Variants in TTYH2 observed in about 807,000 individuals in gnomAD.
TTYH2 encodes the protein protein tweety homolog 2.
TTYH2 carries 49 observed loss-of-function variants against 68.3 expected under a neutral mutation model. The ratio of observed to expected loss-of-function variants is 0.72; its 90% CI spans 0.57 to 0.91. The LOEUF (loss-of-function observed/expected upper bound fraction) is 0.91, where lower values mean the gene tolerates loss of function less well. TTYH2 is among the 40% of genes least tolerant of loss of function. The probability of loss-of-function intolerance (pLI) is 0.00; values close to 1 mark genes in which losing one functional copy is unlikely to be tolerated. For synonymous variants in TTYH2, 272 were observed against 300.8 expected (o/e 0.90, Z 0.99); for missense variants, 631 against 700.4 (o/e 0.90, Z 1.12).
rs763218558 is a variant in TTYH2 at position 74,215,015 on chromosome 17, G to C, written c.129+1299G>C. On this transcript the variant is annotated intron_variant, in intron 1 of 13. Transcript: ENST00000269346. The surrounding 1 kb of genome is among the most constrained non-coding windows in gnomAD (Gnocchi z 4.3). Reference sequence around the variant, plus strand: ...CCTGGGGTTCAGTGGGCACTCAGGAGCAAGACGGCAGTCGGTGGACCCACC... The same window carrying C: ...CCTGGGGTTCAGTGGGCACTCAGGACCAAGACGGCAGTCGGTGGACCCACC... 7.2e-4 allele frequency among the ~76,000 whole-genome samples: 109 copies of C among 152,264 alleles called. No individual in the cohort carries two copies. The highest frequency in any genetic ancestry group is 1.1e-3 in the Non-Finnish European group (75 of 68,006).
intron 3 of TTYH2, 46 bp downstream of exon 3, chr17:74,231,045 G>T: frequency 6.4e-7 from 1 of 1,570,088 alleles, no homozygotes. Context: ...AGCCCACAAG[G>T]TCAGCGTGGT....
intron 13 of TTYH2, among the ~76,000 whole-genome samples, chr17:74,256,569 C>T (rs2050695568): frequency 6.6e-6 from 1 of 152,194 alleles, no homozygotes; most frequent in Non-Finnish European, 1.5e-5. Context: ...AACACAAGCC[C>T]CAGCCTCATG....
rs2050735798 is a variant in TTYH2, at chr17:74,260,237, T to C, written c.*28T>C. On this transcript the variant is annotated 3_prime_UTR_variant, in exon 14 of 14. Transcript: ENST00000269346. ...GACTTTCGGGGGTTCCTGCCTCCTTTTTCCGTTCTGGTTTTTAATTAGTGC... is the reference window on the plus strand; with the variant it reads ...GACTTTCGGGGGTTCCTGCCTCCTTCTTCCGTTCTGGTTTTTAATTAGTGC... 1.2e-6 allele frequency: 2 copies of C among 1,608,768 alleles called. No homozygotes were observed. The highest frequency in any genetic ancestry group is 2.2e-5 in the East Asian group (1 of 44,842).
At chr17:74,247,989 G>C (rs996364099) in intron 6 of TTYH2, 1 of 152,196 alleles carries the variant, frequency 6.6e-6, no homozygotes, top group Non-Finnish European at 1.5e-5. Flanking sequence ...TAACCTCTAG[G>C]TGCTAGAACC....
Position 74,232,833 on chromosome 17 carries a change from A to T in TTYH2, c.414+1834A>T, listed in dbSNP as rs574731821. 1.3e-5 allele frequency among the ~76,000 whole-genome samples: 2 copies of T among 152,152 alleles called. No homozygotes were observed. The highest frequency in any genetic ancestry group is 1.3e-4 in the Admixed American group (2 of 15,284). On this transcript the variant is annotated intron_variant, in intron 3 of 13. Coordinates refer to ENST00000269346, the MANE Select transcript of TTYH2 (RefSeq NM_032646.6). This position sits in a 1 kb window ranked among gnomAD's most constrained non-coding sequence, Gnocchi z 5.1. ...AAAACATCAAGTCCTAGAAGTCCCTATCCCACAGGACGAGAGCTGCCAGGG... is the reference window on the plus strand; with the variant it reads ...AAAACATCAAGTCCTAGAAGTCCCTTTCCCACAGGACGAGAGCTGCCAGGG...
chr17:74,238,295 C>G (rs2050464638), intron 4 of TTYH2, among the ~76,000 whole-genome samples: 1 of 152,200 alleles, frequency 6.6e-6, no homozygotes, highest in African/African-American at 2.4e-5. Context: ...TAAGAAGTTG[C>G]CATCAGGGGA....
At chr17:74,243,292 G>A (rs1056503044) in intron 4 of TTYH2, 82 bp from the exon 5 acceptor site, 22 of 1,146,882 alleles carry the variant, frequency 1.9e-5, no homozygotes, top group African/African-American at 3.0e-5. Flanking sequence ...GTGTCCCAGG[G>A]CTGCCGTGCA....
In TTYH2 at chr17:74,214,059, G is replaced by A. The variant is rs886252708; in HGVS notation, c.129+343G>A. On this transcript the variant is annotated intron_variant, in intron 1 of 13. Coordinates refer to ENST00000269346, the MANE Select transcript of TTYH2 (RefSeq NM_032646.6). This position sits in a 1 kb window ranked among gnomAD's most constrained non-coding sequence, Gnocchi z 4.6. ...GGGTAAGGACAGGGGCATTCGTCTC[G>A]GGGTAATCCTGGCGCGCGAGGTGCG... Among the ~76,000 whole-genome samples the A allele has an allele frequency of 1.4e-4, 22 of 152,176 alleles. No individual in the cohort carries two copies. Among genetic ancestry groups the A allele is most frequent in the African/African-American group, 5.1e-4 (21 of 41,432 alleles).
Position 74,256,471 on chromosome 17 carries a change from C to T in TTYH2, c.1524+2638C>T, listed in dbSNP as rs182403887. 2.4e-4 allele frequency among the ~76,000 whole-genome samples: 36 copies of T among 152,224 alleles called. No homozygotes were observed. In the East Asian group the frequency reaches 4.8e-3, roughly 20 times the overall value. On this transcript the variant is annotated intron_variant, in intron 13 of 13. Transcript: ENST00000269346. ...CTACCTGCTAGCAAGCCTGCTGGAA[C>T]CAATCCCCCTGTCATTCACTCCTGT...
chr17:74,253,227 C>T lies in TTYH2; in HGVS notation c.1406C>T (p.Pro469Leu), dbSNP rs139572666. ...GGAAGTCAGACCAGCCTGCAGCCCC[C>T]GGCCCAGACCATCTCCAACGCCCCT... ...GLGSQTSLQP[P>L]AQTISNAPVS... Residue 469 changes from proline to leucine, a missense_variant, in exon 12 of 14, where the codon CCG becomes CTG. Physicochemically the swap from Pro to Leu is moderately conservative, Grantham distance 98. Coordinates refer to ENST00000269346, the MANE Select transcript of TTYH2 (RefSeq NM_032646.6). The T allele has an allele frequency of 1.1e-4, 174 of 1,609,196 alleles. No individual in the cohort carries two copies. The highest frequency in any genetic ancestry group is 6.6e-4 in the Middle Eastern group (4 of 6,054).
At chr17:74,257,557 C>G (rs1477866842) in intron 13 of TTYH2, among the ~76,000 whole-genome samples, 1 of 152,222 alleles carries the variant, frequency 6.6e-6, no homozygotes, top group Non-Finnish European at 1.5e-5. Flanking sequence ...GCCGAGCACC[C>G]TCTCTGGGAC....
At chr17:74,245,042 G>A (rs1477936304) in intron 6 of TTYH2, among the ~76,000 whole-genome samples, 3 of 152,174 alleles carry the variant, frequency 2.0e-5, no homozygotes, top group Non-Finnish European at 2.9e-5. Context: ...TAAGATGGGG[G>A]TGGCTTGTAC....
At position 74,234,282 on chromosome 17, in the gene TTYH2, C is replaced by T. The variant is rs143314401; in HGVS notation, c.415-3012C>T. ...GCTCTTTCCTCTAGACCGTGGTCTC[C>T]GCCACCTGTAGCTCGTCCCTAAGTC... is the stretch of plus-strand genomic sequence containing the variant. On this transcript the variant is annotated intron_variant, in intron 3 of 13. Coordinates refer to ENST00000269346, the MANE Select transcript of TTYH2 (RefSeq NM_032646.6). Among the ~76,000 whole-genome samples the T allele has an allele frequency of 3.3e-4, 51 of 152,302 alleles. No individual in the cohort carries two copies. In the East Asian group the frequency reaches 3.5e-3, roughly 10 times the overall value.
chr17:74,236,391 CAT>C (rs1350617932), intron 3 of TTYH2, among the ~76,000 whole-genome samples: 1 of 152,226 alleles, frequency 6.6e-6, no homozygotes, highest in African/African-American at 2.4e-5. Context: ...AAGGTAGCAA[CAT>C]AGAGTCTGTT....
chr17:74,219,482 G>A (rs565570476), intron 1 of TTYH2, among the ~76,000 whole-genome samples: 12 of 151,942 alleles, frequency 7.9e-5, no homozygotes, highest in South Asian at 6.2e-4. Context: ...ACCTGCGTGC[G>A]TGGTATGTGT....
At chr17:74,259,905 G>T (rs1192383775) in intron 13 of TTYH2, among the ~76,000 whole-genome samples, 1 of 152,312 alleles carries the variant, frequency 6.6e-6, no homozygotes, top group East Asian at 1.9e-4. Flanking sequence ...TGGATGCTGG[G>T]GGTGTGTGCT....
intron 3 of TTYH2, among the ~76,000 whole-genome samples, chr17:74,236,962 T>C (rs2050449249): frequency 1.3e-5 from 2 of 150,456 alleles, no homozygotes; most frequent in Admixed American, 1.3e-4. Context: ...AATGGTGCGA[T>C]CTTGACTCAT....
At chr17:74,253,899 G>A in intron 13 of TTYH2, 66 bp downstream of exon 13, 1 of 1,498,632 alleles carries the variant, frequency 6.7e-7, no homozygotes, top group Non-Finnish European at 9.3e-7. Flanking sequence ...TGCCAACCCA[G>A]TGAATCCTGT....
intron 2 of TTYH2, among the ~76,000 whole-genome samples, chr17:74,226,408 G>T (rs550148940): frequency 6.6e-6 from 1 of 152,154 alleles, no homozygotes; most frequent in East Asian, 1.9e-4. Context: ...ACTGGGCAGC[G>T]TGTTCCAGGA....
Sources: allele counts gnomAD v4.1 joint callset (sites outside exome capture counted in the v4.1 genomes callset), GRCh38; gene constraint gnomAD v4.1.1; non-coding constraint Gnocchi (gnomAD v3.1); transcripts MANE v1.5; gene names NCBI Gene and HGNC (gene_info 2026-07-23, HGNC 2026-07-21).